The following LINGO2 variants were observed in gnomAD, a reference collection of about 807,000 sequenced individuals.
The protein encoded by LINGO2 is leucine rich repeat and Ig domain containing 2.
In LINGO2, 14 loss-of-function variants were observed where a neutral mutation model predicts 30.6. That is an observed-to-expected ratio of 0.46 (90% confidence interval 0.30 to 0.72). LINGO2 has a LOEUF of 0.72. Ranked by LOEUF, LINGO2 falls within the 30% of genes least tolerant of loss-of-function variation. The pLI, the probability that LINGO2 is intolerant of heterozygous loss-of-function variation, is 0.07. For missense variants in LINGO2, 729 were observed against 751.7 expected, an observed-to-expected ratio of 0.97 and a Z score of 0.35; for synonymous variants, 317 against 288.5, an observed-to-expected ratio of 1.10 and a Z score of -1.00.
In LINGO2 at chr9:28,408,904, C is replaced by T. The variant is rs567182816; in HGVS notation, c.-278-36036G>A. ...AAAGGGAAGAATTTAGAAAATAGGC[C>T]CCACAGTGGTTTATGAACTTCTAGC... On this transcript the variant is annotated intron_variant, in intron 2 of 5. Coordinates refer to ENST00000379992, the Ensembl canonical transcript of LINGO2. 8.6e-5 allele frequency among the ~76,000 whole-genome samples: 13 copies of T among 151,896 alleles called. No homozygotes were observed. The South Asian group carries it at 2.7e-3, about 32-fold the overall frequency.
chr9:28,941,834 G>A, the LINGO2 span, among the ~76,000 whole-genome samples: 190 of 152,222 alleles, frequency 1.2e-3, no homozygotes, highest in Non-Finnish European at 1.5e-3. Flanking sequence ...CTTATCAGAG[G>A]AAATCCAAAA....
intron 4 of LINGO2, among the ~76,000 whole-genome samples, chr9:28,240,805 G>A (rs948600286): frequency 1.6e-4 from 24 of 151,998 alleles, no homozygotes; most frequent in African/African-American, 5.8e-4. Flanking sequence ...ATCACATCAA[G>A]TTTAAAAAGC....
the LINGO2 span, among the ~76,000 whole-genome samples, chr9:29,089,898 T>C: frequency 1.3e-5 from 2 of 152,182 alleles, no homozygotes; most frequent in Admixed American, 6.6e-5. Flanking sequence ...TTTTCTGTTT[T>C]GTTGACTGCT....
chr9:28,936,909 G>A, the LINGO2 span, among the ~76,000 whole-genome samples: 1,411 of 152,226 alleles, frequency 9.3e-3, 17 homozygotes, highest in Non-Finnish European at 0.013. Context: ...GGTTTCTGGT[G>A]AGGCCTCTAC....
chr9:28,977,062 C>T, the LINGO2 span, among the ~76,000 whole-genome samples: 1 of 152,094 alleles, frequency 6.6e-6, no homozygotes, highest in Non-Finnish European at 1.5e-5. Flanking sequence ...CCTTGCTCTA[C>T]TTTTTCTGAT....
At chr9:28,918,322 A>G in the LINGO2 span, among the ~76,000 whole-genome samples, 1 of 152,172 alleles carries the variant, frequency 6.6e-6, no homozygotes, top group African/African-American at 2.4e-5. Context: ...GGTTCAAATT[A>G]TCTCCCATTG....
At chr9:28,870,424 G>C in the LINGO2 span, among the ~76,000 whole-genome samples, 1 of 151,934 alleles carries the variant, frequency 6.6e-6, no homozygotes, top group Non-Finnish European at 1.5e-5. Flanking sequence ...TTCAATCTTA[G>C]ACACAGCTCC....
At chr9:28,151,150 C>T (rs1827988935) in intron 4 of LINGO2, among the ~76,000 whole-genome samples, 1 of 152,108 alleles carries the variant, frequency 6.6e-6, no homozygotes, top group South Asian at 2.1e-4. Context: ...CTAAATAAGA[C>T]CCAACAGTAC....
At chr9:28,011,002 T>G (rs1822525960) in intron 5 of LINGO2, among the ~76,000 whole-genome samples, 1 of 152,156 alleles carries the variant, frequency 6.6e-6, no homozygotes, top group Non-Finnish European at 1.5e-5. Context: ...AATCTTAACA[T>G]TATCCACAGC....
At position 28,147,546 on chromosome 9, in the gene LINGO2, C is replaced by G. The variant is rs924305271; in HGVS notation, c.-86-135141G>C. Among the ~76,000 whole-genome samples the G allele has an allele frequency of 1.3e-5, 2 of 152,158 alleles. No homozygotes were observed. Among genetic ancestry groups the G allele is most frequent in the African/African-American group, 4.8e-5 (2 of 41,438 alleles). The stretch of plus-strand genomic sequence containing the variant: ...CCCGGGGGAGCCTGGCGGGATCTGG[C>G]TGGTCCTGTGCTCTGCTTCCAGGTT... On this transcript the variant is annotated intron_variant, in intron 4 of 5. Transcript: ENST00000379992. This position sits in a 1 kb window ranked among gnomAD's most constrained non-coding sequence, Gnocchi z 4.7.
chr9:29,186,000 C>T, the LINGO2 span, among the ~76,000 whole-genome samples: 1,272 of 152,186 alleles, frequency 8.4e-3, 21 homozygotes, highest in African/African-American at 0.026. Flanking sequence ...TTAGCCCAAA[C>T]CAAACTTTCC....
chr9:29,082,853 C>T, the LINGO2 span, among the ~76,000 whole-genome samples: 1 of 152,106 alleles, frequency 6.6e-6, no homozygotes, highest in Non-Finnish European at 1.5e-5. Context: ...CACTGGCCAT[C>T]AGAGAAATGC....
chr9:29,165,826 T>C, the LINGO2 span, among the ~76,000 whole-genome samples: 1 of 152,092 alleles, frequency 6.6e-6, no homozygotes, highest in Admixed American at 6.6e-5. Context: ...TCTCATGTAA[T>C]GGGAGATGTC....
chr9:28,342,430 A>G (rs1825799117), intron 3 of LINGO2, among the ~76,000 whole-genome samples: 1 of 152,110 alleles, frequency 6.6e-6, no homozygotes, highest in Admixed American at 6.6e-5. Flanking sequence ...GAGATGTACA[A>G]TTCTAGTCTC....
intron 1 of LINGO2, among the ~76,000 whole-genome samples, chr9:28,540,584 T>C (rs116295843): frequency 2.0e-5 from 3 of 152,090 alleles, no homozygotes; most frequent in Non-Finnish European, 4.4e-5. Context: ...CTCTTTTGCA[T>C]TTTTCTTCCA....
chr9:29,188,515 T>C, the LINGO2 span, among the ~76,000 whole-genome samples: 1 of 152,188 alleles, frequency 6.6e-6, no homozygotes, highest in African/African-American at 2.4e-5. Context: ...CTCAATCTTT[T>C]CCCCACCTTT....
At chr9:27,960,187 T>C (rs533345909) in intron 5 of LINGO2, among the ~76,000 whole-genome samples, 38 of 152,240 alleles carry the variant, frequency 2.5e-4, no homozygotes, top group African/African-American at 9.1e-4. Context: ...ATTTTGAAAT[T>C]AAGATTTTTA....
intron 3 of LINGO2, among the ~76,000 whole-genome samples, chr9:28,359,109 T>C (rs1820344538): frequency 6.6e-6 from 1 of 152,186 alleles, no homozygotes; most frequent in African/African-American, 2.4e-5. Flanking sequence ...AACTTCTACT[T>C]ACAAAAGAAT....
intron 4 of LINGO2, among the ~76,000 whole-genome samples, chr9:28,280,660 G>C (rs1823289095): frequency 6.6e-6 from 1 of 152,102 alleles, no homozygotes. Context: ...AGTATACTCT[G>C]AATGGTTGGT....
Sources: allele counts gnomAD v4.1 joint callset (sites outside exome capture counted in the v4.1 genomes callset), GRCh38; gene constraint gnomAD v4.1.1; non-coding constraint Gnocchi (gnomAD v3.1); transcripts MANE v1.5; gene names NCBI Gene and HGNC (gene_info 2026-07-23, HGNC 2026-07-21).